COL5A2: variants seen among roughly 807,000 people sequenced by gnomAD.
The protein encoded by COL5A2 is collagen alpha-2(V) chain.
A neutral mutation model predicts 208.2 loss-of-function variants in COL5A2; 23 were observed. The observed-to-expected ratio is 0.11, with a 90% CI of 0.08 to 0.16. The LOEUF (loss-of-function observed/expected upper bound fraction) is 0.16. Ranked by LOEUF, COL5A2 falls within the 10% of genes least tolerant of loss-of-function variation. The pLI, the probability that COL5A2 is intolerant of heterozygous loss-of-function variation, is 1.00. For synonymous variants in COL5A2, 625 were observed against 628.5 expected, an observed-to-expected ratio of 0.99 and a Z score of 0.08; for missense variants, 1,590 against 1,956.4, an observed-to-expected ratio of 0.81 and a Z score of 3.53.
At chr2:189,169,509 T>C (rs1688531997) in intron 1 of COL5A2, among the ~76,000 whole-genome samples, 1 of 152,204 alleles carries the variant, frequency 6.6e-6, no homozygotes, top group African/African-American at 2.4e-5. Context: ...AAATGGGTTT[T>C]AAAAGCTTAT....
the COL5A2 span, among the ~76,000 whole-genome samples, chr2:189,420,672 G>T: frequency 6.6e-6 from 1 of 152,012 alleles, no homozygotes; most frequent in African/African-American, 2.4e-5. Flanking sequence ...AAGCCACAAA[G>T]ATAGATGAAT....
intron 1 of COL5A2, among the ~76,000 whole-genome samples, chr2:189,153,154 G>C (rs1688178199): frequency 6.6e-6 from 1 of 152,160 alleles, no homozygotes; most frequent in Non-Finnish European, 1.5e-5. Context: ...TTCAATCTGT[G>C]AGTCTGCCAA....
In COL5A2 at chr2:189,111,905, G is replaced by A. The variant is rs556717181; in HGVS notation, c.98-1456C>T. Among the ~76,000 whole-genome samples, 5 of 148,412 alleles carry A rather than the reference G, an allele frequency of 3.4e-5. No homozygotes were observed. In the South Asian group the frequency reaches 8.5e-4, roughly 25 times the overall value. On this transcript the variant is annotated intron_variant, in intron 1 of 53. Coordinates refer to ENST00000374866, the MANE Select transcript of COL5A2 (RefSeq NM_000393.5). ...TTTAAAATGGAGTTTTGTTCTTGTC[G>A]CCCAGGCAGGAGTCCAATGGTGCGA...
At chr2:189,220,882 T>C (rs965690610) in intron 1 of COL5A2, among the ~76,000 whole-genome samples, 1 of 152,180 alleles carries the variant, frequency 6.6e-6, no homozygotes, top group Non-Finnish European at 1.5e-5. Context: ...ACCTTCTAAC[T>C]TATTCTCATT....
intron 1 of COL5A2, among the ~76,000 whole-genome samples, chr2:189,187,512 T>C (rs1337437931): frequency 6.6e-6 from 1 of 152,196 alleles, no homozygotes; most frequent in Non-Finnish European, 1.5e-5. Context: ...ATAATAATAT[T>C]ACCTACCTCA....
At chr2:189,292,799 G>C in the COL5A2 span, among the ~76,000 whole-genome samples, 4 of 152,142 alleles carry the variant, frequency 2.6e-5, no homozygotes, top group Non-Finnish European at 4.4e-5. Flanking sequence ...AAAGACACAT[G>C]CACACATATG....
chr2:189,099,908 T>A (rs1299861045), intron 4 of COL5A2, among the ~76,000 whole-genome samples, 199 bp downstream of exon 4: 2 of 152,216 alleles, frequency 1.3e-5, no homozygotes, highest in Non-Finnish European at 2.9e-5. Context: ...GTCATGGGAC[T>A]ATAAAAGTCA....
chr2:189,281,294 C>T, the COL5A2 span, among the ~76,000 whole-genome samples: 1 of 152,100 alleles, frequency 6.6e-6, no homozygotes, highest in Non-Finnish European at 1.5e-5. Flanking sequence ...AATGTCAAAA[C>T]AGTTCATCAT....
the COL5A2 span, among the ~76,000 whole-genome samples, chr2:189,253,013 T>G: frequency 1.6e-4 from 24 of 152,012 alleles, no homozygotes; most frequent in Non-Finnish European, 3.1e-4. Context: ...AACCAAGAAG[T>G]GTTATGATCA....
At chr2:189,078,149 T>C (rs1332778150) in intron 16 of COL5A2, among the ~76,000 whole-genome samples, 3 of 152,164 alleles carry the variant, frequency 2.0e-5, no homozygotes, top group African/African-American at 7.2e-5. Flanking sequence ...TCTTGGCATA[T>C]AATAAGCTCT....
At chr2:189,390,821 C>T in the COL5A2 span, among the ~76,000 whole-genome samples, 1 of 152,172 alleles carries the variant, frequency 6.6e-6, no homozygotes, top group Non-Finnish European at 1.5e-5. Flanking sequence ...TACTTAAAAG[C>T]CATTTCCCCA....
At chr2:189,094,012 A>G (rs1285449173) in intron 6 of COL5A2, among the ~76,000 whole-genome samples, 1 of 152,246 alleles carries the variant, frequency 6.6e-6, no homozygotes, top group African/African-American at 2.4e-5. Context: ...CCAAAGAGAC[A>G]TACACAAAAC....
At chr2:189,045,518 T>C (rs1332000648) in intron 46 of COL5A2, among the ~76,000 whole-genome samples, 1 of 152,232 alleles carries the variant, frequency 6.6e-6, no homozygotes, top group Non-Finnish European at 1.5e-5. Context: ...AAGACATTAT[T>C]CATTGACATT....
intron 1 of COL5A2, among the ~76,000 whole-genome samples, chr2:189,216,241 AT>A (rs1461387247): frequency 6.6e-6 from 1 of 152,154 alleles, no homozygotes; most frequent in African/African-American, 2.4e-5. Flanking sequence ...AATGACAGCT[AT>A]GTGGAATGAT....
the COL5A2 span, among the ~76,000 whole-genome samples, chr2:189,241,281 A>G: frequency 0.93 from 140,892 of 152,160 alleles, 65,514 homozygotes; most frequent in East Asian, 1. Context: ...TATTGGGTAC[A>G]ACATTCACTA....
chr2:189,377,454 A>G, the COL5A2 span, among the ~76,000 whole-genome samples: 1 of 152,214 alleles, frequency 6.6e-6, no homozygotes, highest in African/African-American at 2.4e-5. Flanking sequence ...GTCCTCAAAG[A>G]CAGGAATTCA....
intron 1 of COL5A2, among the ~76,000 whole-genome samples, chr2:189,201,522 G>A (rs1242680380): frequency 1.3e-5 from 2 of 151,854 alleles, no homozygotes; most frequent in Admixed American, 1.3e-4. Context: ...CCTAGAAGGA[G>A]GGAAACAAGA....
chr2:189,403,155 GT>G, the COL5A2 span, among the ~76,000 whole-genome samples: 11 of 152,090 alleles, frequency 7.2e-5, no homozygotes, highest in Non-Finnish European at 1.5e-4. Flanking sequence ...CCTATGTATT[GT>G]ATTCATTTTG....
At chr2:189,167,792 G>A (rs1252782176) in intron 1 of COL5A2, among the ~76,000 whole-genome samples, 3 of 150,958 alleles carry the variant, frequency 2.0e-5, no homozygotes, top group South Asian at 2.1e-4. Flanking sequence ...TTTTAATAGA[G>A]ACTTCTATGA....
Sources: allele counts gnomAD v4.1 joint callset (sites outside exome capture counted in the v4.1 genomes callset), GRCh38; gene constraint gnomAD v4.1.1; transcripts MANE v1.5; gene names NCBI Gene and HGNC (gene_info 2026-07-23, HGNC 2026-07-21).